PLCB1: variants seen among roughly 807,000 people sequenced by gnomAD.
The protein encoded by PLCB1 is 1-phosphatidylinositol 4,5-bisphosphate phosphodiesterase beta-1.
A neutral mutation model predicts 161.8 loss-of-function variants in PLCB1; 46 were observed. The observed-to-expected ratio is 0.28, with a 90% CI of 0.22 to 0.36. PLCB1 has a LOEUF of 0.36. Among genes scored for constraint, PLCB1 ranks in the 10% least tolerant of loss-of-function variants. The pLI is 1.00. For synonymous variants in PLCB1, 517 were observed against 503.7 expected (o/e 1.03, Z -0.35); for missense variants, 1,016 against 1,472.5 (o/e 0.69, Z 5.07).
In PLCB1 at chr20:8,740,257, T is replaced by C; in HGVS notation, c.2309-87T>C. The C allele has an allele frequency of 4.2e-6, 3 of 707,660 alleles. No homozygotes were observed. The South Asian group carries it at 5.4e-5, about 13-fold the overall frequency. The allele number at this position is 707,660 out of a possible 1,614,324, so 43.8% of individuals were successfully genotyped here. A position where few individuals can be genotyped will look rare whatever the true frequency, so the allele number is the denominator to read the frequency against. ...GTTTTTCATCTAAAGTAACCTGAAA[T>C]ACATGCTTTCATCACATAGATGCGC... On this transcript the variant is annotated intron_variant, in intron 21 of 31. Coordinates refer to ENST00000338037, the MANE Select transcript of PLCB1 (RefSeq NM_015192.4).
At chr20:8,291,400 G>A (rs1041037512) in intron 2 of PLCB1, among the ~76,000 whole-genome samples, 3 of 152,192 alleles carry the variant, frequency 2.0e-5, no homozygotes, top group East Asian at 1.9e-4. Context: ...ACTGAAACTG[G>A]GCTCAAGGTC....
chr20:8,601,933 A>G (rs1295759024), intron 3 of PLCB1, among the ~76,000 whole-genome samples: 1 of 152,098 alleles, frequency 6.6e-6, no homozygotes, highest in Non-Finnish European at 1.5e-5. Context: ...AGCTCTATCA[A>G]TCCCTTCCTC....
intron 2 of PLCB1, among the ~76,000 whole-genome samples, chr20:8,254,355 G>A (rs111519458): frequency 8.2e-4 from 125 of 152,006 alleles, no homozygotes; most frequent in African/African-American, 2.9e-3. Context: ...GCTCATTTTT[G>A]TTTAACTTTC....
chr20:8,448,071 G>A (rs1980916114), intron 3 of PLCB1, among the ~76,000 whole-genome samples: 1 of 152,196 alleles, frequency 6.6e-6, no homozygotes, highest in South Asian at 2.1e-4. Context: ...CTCACTGGGT[G>A]TCATACAATA....
intron 2 of PLCB1, among the ~76,000 whole-genome samples, chr20:8,339,939 G>T (rs2122219365): frequency 6.6e-6 from 1 of 152,192 alleles, no homozygotes; most frequent in Non-Finnish European, 1.5e-5. Context: ...TTCAGCCTGG[G>T]CAACAAAGTA....
chr20:8,284,902 T>C (rs1410175669), intron 2 of PLCB1, among the ~76,000 whole-genome samples: 2 of 152,168 alleles, frequency 1.3e-5, no homozygotes, highest in African/African-American at 4.8e-5. Context: ...TTGTCTTTTG[T>C]GCCTCTTCAT....
At chr20:8,261,237 A>C (rs1981677563) in intron 2 of PLCB1, among the ~76,000 whole-genome samples, 1 of 152,156 alleles carries the variant, frequency 6.6e-6, no homozygotes, top group Non-Finnish European at 1.5e-5. Flanking sequence ...GGGAACTCTG[A>C]GAAACGCCCC....
At chr20:8,176,988 G>A (rs1325141501) in intron 2 of PLCB1, among the ~76,000 whole-genome samples, 3 of 152,008 alleles carry the variant, frequency 2.0e-5, no homozygotes, top group Admixed American at 1.3e-4. Flanking sequence ...GTAATCAGTA[G>A]TATAATATTA....
At chr20:8,769,401 A>G (rs1982552035) in intron 26 of PLCB1, among the ~76,000 whole-genome samples, 1 of 152,008 alleles carries the variant, frequency 6.6e-6, no homozygotes, top group Non-Finnish European at 1.5e-5. Context: ...CATTTTAATG[A>G]ATTGTAGCAT....
intron 4 of PLCB1, among the ~76,000 whole-genome samples, chr20:8,641,108 G>GTAT (rs1448299036): frequency 2.0e-5 from 3 of 152,144 alleles, no homozygotes; most frequent in African/African-American, 2.4e-5. Context: ...AGCATAATAA[G>GTAT]TATGTCTACA....
At chr20:8,322,967 C>G (rs960635505) in intron 2 of PLCB1, among the ~76,000 whole-genome samples, 1 of 152,236 alleles carries the variant, frequency 6.6e-6, no homozygotes, top group African/African-American at 2.4e-5. Context: ...TTGAAGAGAA[C>G]AGCTCTTGTT....
At chr20:8,743,588 G>A (rs1309786430) in intron 23 of PLCB1, among the ~76,000 whole-genome samples, 7 of 151,974 alleles carry the variant, frequency 4.6e-5, no homozygotes, top group Non-Finnish European at 8.8e-5. Flanking sequence ...TTTTTCCTGA[G>A]ACCATTCTCT....
At chr20:8,313,065 C>T (rs557236153) in intron 2 of PLCB1, among the ~76,000 whole-genome samples, 28 of 152,088 alleles carry the variant, frequency 1.8e-4, no homozygotes, top group African/African-American at 5.1e-4. Context: ...TTTGGTGCCC[C>T]GGAAGGTTTC....
In PLCB1 at chr20:8,261,838, T is replaced by A. The variant is rs1981713970; in HGVS notation, c.178-109544T>A. Reference sequence around the variant, plus strand: ...AGAGGATAAGCATTGTATTTAGTATTGAGATTAATTCTCATTGAAATAAAG... The same window carrying A: ...AGAGGATAAGCATTGTATTTAGTATAGAGATTAATTCTCATTGAAATAAAG... On this transcript the variant is annotated intron_variant, in intron 2 of 31. Coordinates refer to ENST00000338037, the MANE Select transcript of PLCB1 (RefSeq NM_015192.4). 1.3e-5 allele frequency among the ~76,000 whole-genome samples: 2 copies of A among 152,186 alleles called. 1 individual carries two copies. The highest frequency in any genetic ancestry group is 4.8e-5 in the African/African-American group (2 of 41,460).
chr20:8,385,676 G>A (rs1987405693), intron 3 of PLCB1, among the ~76,000 whole-genome samples: 1 of 152,226 alleles, frequency 6.6e-6, no homozygotes, highest in Non-Finnish European at 1.5e-5. Context: ...TCCGATCCAT[G>A]GGTTGCACAG....
chr20:8,193,091 T>A (rs1415705791), intron 2 of PLCB1, among the ~76,000 whole-genome samples: 1 of 152,002 alleles, frequency 6.6e-6, no homozygotes, highest in Admixed American at 6.6e-5. Context: ...ACAAAGAACA[T>A]TCAGGATAAA....
chr20:8,553,531 G>C (rs996834963), intron 3 of PLCB1, among the ~76,000 whole-genome samples: 1 of 152,104 alleles, frequency 6.6e-6, no homozygotes, highest in Non-Finnish European at 1.5e-5. Context: ...TTTCTTGTAT[G>C]TTCCTGTTGC....
At chr20:8,712,101 G>T (rs1160391426) in intron 12 of PLCB1, among the ~76,000 whole-genome samples, 1 of 152,124 alleles carries the variant, frequency 6.6e-6, no homozygotes, top group Non-Finnish European at 1.5e-5. Flanking sequence ...AGGAGATCGA[G>T]ACCATCCTGG....
At chr20:8,434,953 T>G (rs561295829) in intron 3 of PLCB1, among the ~76,000 whole-genome samples, 7 of 152,218 alleles carry the variant, frequency 4.6e-5, no homozygotes, top group Non-Finnish European at 1.0e-4. Context: ...CTCATGCACG[T>G]AGACAATCAC....
Sources: gnomAD v4.1 joint callset for allele counts (sites outside exome capture counted in the v4.1 genomes callset) on GRCh38, gnomAD v4.1.1 for gene constraint, MANE v1.5 for transcripts, NCBI Gene and HGNC (gene_info 2026-07-23, HGNC 2026-07-21) for gene names.